The following PDE11A variants were observed in gnomAD, a reference collection of about 807,000 sequenced individuals.
The protein encoded by PDE11A is phosphodiesterase 11A.
A neutral mutation model predicts 100.5 loss-of-function variants in PDE11A; 100 were observed. That is an observed-to-expected ratio of 1.00 (90% confidence interval 0.85 to 1.18). The LOEUF (loss-of-function observed/expected upper bound fraction) is 1.18, where lower values mean the gene tolerates loss of function less well. Ranked by LOEUF, PDE11A falls within the 50% of genes most tolerant of loss-of-function variation. The probability of loss-of-function intolerance (pLI) is 0.00; values close to 1 mark genes in which losing one functional copy is unlikely to be tolerated. For missense variants in PDE11A, 1,141 were observed against 1,152.6 expected, an observed-to-expected ratio of 0.99 and a Z score of 0.15; for synonymous variants, 381 against 420.8, an observed-to-expected ratio of 0.91 and a Z score of 1.16.
At chr2:177,939,317 G>A (rs1424586849) in intron 2 of PDE11A, among the ~76,000 whole-genome samples, 2 of 148,472 alleles carry the variant, frequency 1.3e-5, no homozygotes, top group African/African-American at 5.0e-5. Flanking sequence ...AAGAAAGGAA[G>A]GAAAAAAGGA....
chr2:177,763,422 T>C (rs1186110181), intron 10 of PDE11A, among the ~76,000 whole-genome samples: 5 of 152,164 alleles, frequency 3.3e-5, no homozygotes, highest in Non-Finnish European at 7.3e-5. Flanking sequence ...AAAGCCACTG[T>C]TGGGATTTCA....
intron 15 of PDE11A, chr2:177,683,381 T>C (rs998967832): frequency 1.3e-5 from 2 of 152,256 alleles, no homozygotes; most frequent in African/African-American, 4.8e-5. Flanking sequence ...ACAGTTCTTT[T>C]CTTCATATAA....
chr2:177,716,773 G>C (rs72947185), intron 12 of PDE11A, among the ~76,000 whole-genome samples: 20,501 of 152,210 alleles, frequency 0.13, 1,420 homozygotes, highest in Non-Finnish European at 0.15. Flanking sequence ...ATGAATCAGA[G>C]CAGTAAGTTA....
rs933397624 is a variant in PDE11A, at chr2:178,028,279, T to TTA, written c.913-13821_913-13820dup. ...AGAGTACCTGGACTCCTTGCAGAAG[T>TTA]TATATAGTCACATGTTCCATCAAAA... On this transcript the variant is annotated intron_variant, in intron 1 of 19. Transcript: ENST00000286063. 3.6e-5 allele frequency among the ~76,000 whole-genome samples: 5 copies of TTA among 138,052 alleles called. No homozygotes were observed. In the Admixed American group the frequency reaches 4.1e-4, roughly 11 times the overall value. The allele number at this position is 138,052 out of a possible 152,430, so 90.6% of individuals were successfully genotyped here.
intron 1 of PDE11A, among the ~76,000 whole-genome samples, chr2:178,027,868 A>G (rs1339748894): frequency 6.6e-6 from 1 of 152,228 alleles, no homozygotes; most frequent in Non-Finnish European, 1.5e-5. Context: ...CTTATGTGGC[A>G]TAGCATATAT....
chr2:177,987,734 A>T (rs2085957117), intron 2 of PDE11A, among the ~76,000 whole-genome samples: 1 of 152,240 alleles, frequency 6.6e-6, no homozygotes. Context: ...AATTTTAAAG[A>T]ATAAAGACAT....
chr2:177,645,571 T>G (rs931207888), intron 19 of PDE11A, among the ~76,000 whole-genome samples: 5 of 152,232 alleles, frequency 3.3e-5, no homozygotes, highest in African/African-American at 1.2e-4. Flanking sequence ...ATTATTTTTA[T>G]TTTTTACTAG....
chr2:178,023,289 A>G (rs2086436918), intron 1 of PDE11A, among the ~76,000 whole-genome samples: 3 of 152,174 alleles, frequency 2.0e-5, no homozygotes, highest in Admixed American at 1.3e-4. Context: ...ATTATATTTA[A>G]TATGCTCAAG....
chr2:178,032,381 G>C (rs2086559549), intron 1 of PDE11A, among the ~76,000 whole-genome samples: 1 of 152,076 alleles, frequency 6.6e-6, no homozygotes, highest in Non-Finnish European at 1.5e-5. Context: ...CTACTGGAGA[G>C]GCTGAGGCAG....
chr2:177,946,347 G>C (rs1278677374), intron 2 of PDE11A, among the ~76,000 whole-genome samples: 22 of 102,326 alleles, frequency 2.1e-4, no homozygotes, highest in South Asian at 3.5e-4. Context: ...CAGCCCCCCT[G>C]CCCGGCCAGC....
intron 10 of PDE11A, among the ~76,000 whole-genome samples, chr2:177,754,776 T>C (rs953465925): frequency 4.6e-5 from 7 of 152,250 alleles, no homozygotes; most frequent in African/African-American, 1.4e-4. Context: ...GCTGTTTGGA[T>C]ACAAGTAACT....
intron 2 of PDE11A, chr2:178,092,603 C>CTT (rs570664748): frequency 2.8e-5 from 4 of 142,892 alleles, no homozygotes; most frequent in Admixed American, 7.0e-5. Context: ...ATATTTCTTT[C>CTT]TTTTTTTTTT....
At chr2:178,023,099 T>G (rs183363093) in intron 1 of PDE11A, among the ~76,000 whole-genome samples, 1 of 152,152 alleles carries the variant, frequency 6.6e-6, no homozygotes, top group Non-Finnish European at 1.5e-5. Flanking sequence ...GCCTCCTTCA[T>G]AGAGAACAGT....
At chr2:177,944,511 T>C (rs751500794) in intron 2 of PDE11A, among the ~76,000 whole-genome samples, 1 of 152,356 alleles carries the variant, frequency 6.6e-6, no homozygotes, top group African/African-American at 2.4e-5. Flanking sequence ...AAGACTCTGC[T>C]TAAAAAGCTG....
chr2:177,916,274 T>G (rs965717828), intron 2 of PDE11A, among the ~76,000 whole-genome samples: 15 of 152,218 alleles, frequency 9.9e-5, no homozygotes, highest in African/African-American at 3.6e-4. Context: ...GAATTAACCT[T>G]TGAGCAAGAG....
At chr2:177,743,219 C>A (rs1386372057) in intron 10 of PDE11A, among the ~76,000 whole-genome samples, 2 of 152,196 alleles carry the variant, frequency 1.3e-5, no homozygotes, top group East Asian at 3.8e-4. Flanking sequence ...AATAATTGTA[C>A]TTATTTTCTG....
chr2:177,638,922 G>A (rs1312367291), intron 19 of PDE11A, among the ~76,000 whole-genome samples: 1 of 152,196 alleles, frequency 6.6e-6, no homozygotes, highest in Non-Finnish European at 1.5e-5. Flanking sequence ...TCCTCACATG[G>A]ATATGATGAA....
intron 9 of PDE11A, among the ~76,000 whole-genome samples, chr2:177,796,534 G>A (rs1181581045): frequency 6.6e-6 from 1 of 152,106 alleles, no homozygotes; most frequent in Non-Finnish European, 1.5e-5. Flanking sequence ...GTGTGGAGGG[G>A]GATCTAGGGG....
chr2:177,625,177 C>G lies in PDE11A; in HGVS notation c.*4230G>C, dbSNP rs903308476. 5.2e-5 allele frequency: 8 copies of G among 152,494 alleles called. No individual in the cohort carries two copies. The highest frequency in any genetic ancestry group is 1.9e-4 in the African/African-American group (8 of 41,378). The allele number at this position is 152,494 out of a possible 1,614,324, so 9.4% of individuals were successfully genotyped here. ...TAGTATGATTGTGCTTACATCTACC[C>G]CATATATGTAAGTTTTATTATGTCT... On this transcript the variant is annotated 3_prime_UTR_variant, in exon 20 of 20. Transcript: ENST00000286063.
Sources: gnomAD v4.1 joint callset for allele counts (sites outside exome capture counted in the v4.1 genomes callset) on GRCh38, gnomAD v4.1.1 for gene constraint, MANE v1.5 for transcripts, NCBI Gene and HGNC (gene_info 2026-07-23, HGNC 2026-07-21) for gene names.